NTRK2: variants seen among roughly 807,000 people sequenced by gnomAD.
NTRK2 encodes neurotrophic receptor tyrosine kinase 2.
NTRK2 carries 13 observed loss-of-function variants against 94.5 expected under a neutral mutation model. The ratio of observed to expected loss-of-function variants is 0.14; its 90% CI spans 0.09 to 0.22. NTRK2 has a LOEUF of 0.22. Among genes scored for constraint, NTRK2 ranks in the 10% least tolerant of loss-of-function variants. NTRK2 has a pLI of 1.00. For synonymous variants in NTRK2, 372 were observed against 407.4 expected, an observed-to-expected ratio of 0.91 and a Z score of 1.05; for missense variants, 639 against 1,071.2, an observed-to-expected ratio of 0.60 and a Z score of 5.63.
At chr9:84,832,099 G>A (rs2073585540) in intron 12 of NTRK2, among the ~76,000 whole-genome samples, 1 of 152,144 alleles carries the variant, frequency 6.6e-6, no homozygotes, top group East Asian at 1.9e-4. Context: ...TTCAGAACAT[G>A]GAATCTGATG....
intron 17 of NTRK2, among the ~76,000 whole-genome samples, chr9:85,003,253 A>G (rs1830521956): frequency 6.6e-6 from 1 of 152,096 alleles, no homozygotes; most frequent in African/African-American, 2.4e-5. Context: ...AGTGAGACAA[A>G]AACAAATGGG....
At position 84,833,035 on chromosome 9, in the gene NTRK2, T is replaced by C. The variant is rs371754817; in HGVS notation, c.1397-28005T>C. ...GAGCCCACAGCTGAGGCTGCCCTTC[T>C]TCAAGTGTGGCCTGTCTCAGAATCA... is the stretch of plus-strand genomic sequence containing the variant. On this transcript the variant is annotated intron_variant, in intron 12 of 18. Coordinates refer to ENST00000277120, the MANE Select transcript of NTRK2 (RefSeq NM_006180.6). Among the ~76,000 whole-genome samples, 26 of 151,156 alleles carry C rather than the reference T, an allele frequency of 1.7e-4. No homozygotes were observed. The East Asian group carries it at 4.9e-3, about 29-fold the overall frequency.
intron 17 of NTRK2, among the ~76,000 whole-genome samples, chr9:84,979,379 C>T (rs1827299052): frequency 6.6e-6 from 1 of 152,168 alleles, no homozygotes; most frequent in Non-Finnish European, 1.5e-5. Flanking sequence ...TGGAAGAACT[C>T]ACTGCAGAAG....
intron 12 of NTRK2, among the ~76,000 whole-genome samples, chr9:84,800,079 AG>A (rs1419875853): frequency 6.6e-6 from 1 of 152,256 alleles, no homozygotes; most frequent in Non-Finnish European, 1.5e-5. Flanking sequence ...AGATGGAAAC[AG>A]GCACTGTCTC....
chr9:85,020,407 C>G (rs2117954107), intron 18 of NTRK2, 43 bp downstream of exon 18: 4 of 1,606,626 alleles, frequency 2.5e-6, no homozygotes, highest in Non-Finnish European at 3.4e-6. Context: ...GGGCTGAGAT[C>G]CCAGAGGCAT....
chr9:84,919,147 CT>C (rs1157484911), intron 14 of NTRK2, among the ~76,000 whole-genome samples: 4 of 152,130 alleles, frequency 2.6e-5, no homozygotes, highest in Non-Finnish European at 5.9e-5. Flanking sequence ...TGCTATTTGC[CT>C]TTTTTTAAGA....
At chr9:84,811,979 T>C in intron 12 of NTRK2, 1 of 1,062,500 alleles carries the variant, frequency 9.4e-7, no homozygotes, top group Non-Finnish European at 1.1e-6. Context: ...GCATTTTGTT[T>C]GAAAACACAA....
At chr9:85,013,221 G>A (rs1354154458) in intron 17 of NTRK2, among the ~76,000 whole-genome samples, 1 of 152,154 alleles carries the variant, frequency 6.6e-6, no homozygotes, top group Non-Finnish European at 1.5e-5. Flanking sequence ...TTTGTAGTAG[G>A]AGAATTCTCA....
At position 84,823,536 on chromosome 9, in the gene NTRK2, C is replaced by A. The variant is rs563588130; in HGVS notation, c.1397-37504C>A. Among the ~76,000 whole-genome samples, 3 of 152,304 alleles carry A rather than the reference C, an allele frequency of 2.0e-5. No homozygotes were observed. In the East Asian group the frequency reaches 5.8e-4, roughly 29 times the overall value. ...ATTGAGTACTTTCTATGTGGTAGACCATAGGTTCCTGATTCAAATGACTAC... is the reference window on the plus strand; with the variant it reads ...ATTGAGTACTTTCTATGTGGTAGACAATAGGTTCCTGATTCAAATGACTAC... On this transcript the variant is annotated intron_variant, in intron 12 of 18. Coordinates refer to ENST00000277120, the MANE Select transcript of NTRK2 (RefSeq NM_006180.6).
chr9:84,978,963 T>C (rs551124977), intron 17 of NTRK2, among the ~76,000 whole-genome samples: 33 of 152,352 alleles, frequency 2.2e-4, no homozygotes, highest in African/African-American at 7.7e-4. Context: ...AGCCTGCTAT[T>C]GCAACATGCT....
chr9:84,978,005 G>A (rs998702972), intron 17 of NTRK2, among the ~76,000 whole-genome samples: 1 of 152,130 alleles, frequency 6.6e-6, no homozygotes, highest in African/African-American at 2.4e-5. Flanking sequence ...TGTGTATTCT[G>A]ACTGCTCTAC....
chr9:84,864,736 C>CTTTTTT (rs71369154), intron 13 of NTRK2, among the ~76,000 whole-genome samples: 17 of 104,564 alleles, frequency 1.6e-4, no homozygotes, highest in East Asian at 9.2e-4. Flanking sequence ...TCTTAATTTT[C>CTTTTTT]TTTTTTTTTT....
At chr9:84,924,240 AAAG>A (rs2077672091) in intron 14 of NTRK2, among the ~76,000 whole-genome samples, 1 of 116,968 alleles carries the variant, frequency 8.5e-6, no homozygotes, top group Non-Finnish European at 1.8e-5. Context: ...AGAAAGAAAG[AAAG>A]AAAGAAAGAA....
intron 2 of NTRK2, among the ~76,000 whole-genome samples, chr9:84,698,299 G>A (rs1013500901): frequency 2.0e-5 from 3 of 151,936 alleles, no homozygotes; most frequent in African/African-American, 4.8e-5. Context: ...TTACATGTAC[G>A]TATCAGTATA....
At position 84,675,518 on chromosome 9, in the gene NTRK2, G is replaced by A. The variant is rs182769328; in HGVS notation, c.212+4558G>A. 2.8e-4 allele frequency among the ~76,000 whole-genome samples: 42 copies of A among 152,012 alleles called. No homozygotes were observed. In the East Asian group the frequency reaches 5.8e-3, roughly 21 times the overall value. On this transcript the variant is annotated intron_variant, in intron 2 of 18. Transcript: ENST00000277120. ...TTCTTGTAGGTTCAAAAGCTATAGC[G>A]TAGGATGTGACATGAAAGACCTGCC...
chr9:84,899,494 G>A (rs1285290771), intron 14 of NTRK2, among the ~76,000 whole-genome samples: 4 of 152,114 alleles, frequency 2.6e-5, no homozygotes, highest in African/African-American at 9.7e-5. Context: ...GAGGGCACCT[G>A]CCCTCCCACC....
intron 14 of NTRK2, among the ~76,000 whole-genome samples, chr9:84,911,099 C>G (rs2077223849): frequency 6.6e-6 from 1 of 152,070 alleles, no homozygotes; most frequent in African/African-American, 2.4e-5. Flanking sequence ...GTATGCAAAT[C>G]CTACACATGT....
intron 12 of NTRK2, among the ~76,000 whole-genome samples, chr9:84,857,042 A>G (rs2075097531): frequency 6.6e-6 from 1 of 152,080 alleles, no homozygotes; most frequent in East Asian, 1.9e-4. Flanking sequence ...CATTTACATC[A>G]TAAATCTTCC....
intron 4 of NTRK2, among the ~76,000 whole-genome samples, chr9:84,703,389 A>T (rs1013393564): frequency 2.0e-5 from 3 of 152,266 alleles, no homozygotes; most frequent in Non-Finnish European, 4.4e-5. Flanking sequence ...AGAGAGTTCT[A>T]GGACTTGCTC....
Sources: gnomAD v4.1 joint callset for allele counts (sites outside exome capture counted in the v4.1 genomes callset) on GRCh38, gnomAD v4.1.1 for gene constraint, MANE v1.5 for transcripts, NCBI Gene and HGNC (gene_info 2026-07-23, HGNC 2026-07-21) for gene names.